The following SAMM50 variants were observed in gnomAD, a reference collection of about 807,000 sequenced individuals.
SAMM50 encodes SAMM50 sorting and assembly machinery component.
SAMM50 carries 47 observed loss-of-function variants against 66.9 expected under a neutral mutation model. The ratio of observed to expected loss-of-function variants is 0.70; its 90% CI spans 0.56 to 0.90. SAMM50 has a LOEUF of 0.90. Among genes scored for constraint, SAMM50 ranks in the 40% least tolerant of loss-of-function variants. The pLI is 0.00. For missense variants in SAMM50, 535 were observed against 595.3 expected (o/e 0.90, Z 1.05); for synonymous variants, 191 against 214.1 (o/e 0.89, Z 0.94).
intron 7 of SAMM50, 106 bp from the exon 8 acceptor site, chr22:43,975,948 AT>A (rs1464669671): frequency 1.7e-6 from 2 of 1,184,716 alleles, no homozygotes; most frequent in South Asian, 3.2e-5. Context: ...ATTAAAAAAA[AT>A]TAGATATTTA....
At chr22:43,988,795 A>C (rs2050307254) in intron 12 of SAMM50, 1 of 223,512 alleles carries the variant, frequency 4.5e-6, no homozygotes, top group Non-Finnish European at 8.7e-6. Flanking sequence ...TTGTGGATAA[A>C]GTTATTGTCA....
chr22:43,959,018 CTTTTTTTT>C (rs11337908), intron 1 of SAMM50, among the ~76,000 whole-genome samples: 4 of 112,660 alleles, frequency 3.6e-5, no homozygotes, highest in African/African-American at 1.0e-4. Flanking sequence ...TTTCAGTTTT[CTTTTTTTT>C]TTTTTTTTTT....
intron 9 of SAMM50, among the ~76,000 whole-genome samples, chr22:43,977,141 AG>A (rs1204189360): frequency 6.6e-6 from 1 of 152,212 alleles, no homozygotes; most frequent in East Asian, 1.9e-4. Context: ...GTCCGAAGGC[AG>A]GGGTCACCCC....
intron 5 of SAMM50, 144 bp from the exon 6 acceptor site, chr22:43,972,727 G>T: frequency 1.3e-6 from 1 of 796,460 alleles, no homozygotes. Context: ...GAATGAAAGT[G>T]ATTACAAATG....
At chr22:43,984,514 T>C (rs1375960512) in intron 12 of SAMM50, among the ~76,000 whole-genome samples, 1 of 151,812 alleles carries the variant, frequency 6.6e-6, no homozygotes, top group Non-Finnish European at 1.5e-5. Context: ...GGTTTTACCA[T>C]GTTGGCCAGG....
At position 43,972,345 on chromosome 22, in the gene SAMM50, A is replaced by G; in HGVS notation, c.429+3A>G. On this transcript the variant is annotated splice_donor_region_variant and intron_variant, in intron 5 of 14. Coordinates refer to ENST00000350028, the MANE Select transcript of SAMM50 (RefSeq NM_015380.5). ...TTGGAAACAATGAAGGCAGTATGGT[A>G]TGCTACAGGCTTTTTACTTTCTTAT... The G allele has an allele frequency of 6.5e-7, 1 of 1,534,800 alleles. No homozygotes were observed. Among genetic ancestry groups the G allele is most frequent in the Non-Finnish European group, 8.9e-7 (1 of 1,128,838 alleles).
chr22:43,959,424 A>G (rs1224491843), intron 1 of SAMM50, among the ~76,000 whole-genome samples: 2 of 152,014 alleles, frequency 1.3e-5, no homozygotes, highest in African/African-American at 2.4e-5. Flanking sequence ...ATGGTGCTCA[A>G]TACACACTTA....
chr22:43,959,305 C>T (rs531162944), intron 1 of SAMM50, among the ~76,000 whole-genome samples: 2 of 151,944 alleles, frequency 1.3e-5, no homozygotes, highest in Non-Finnish European at 1.5e-5. Context: ...AGGTGTGAGC[C>T]ACTGTGCCCA....
At chr22:43,980,322 C>T (rs996266213) in intron 10 of SAMM50, among the ~76,000 whole-genome samples, 16 of 146,294 alleles carry the variant, frequency 1.1e-4, no homozygotes, top group Non-Finnish European at 2.1e-4. Context: ...AAGCTAGTAT[C>T]TTTATATATC....
At chr22:43,963,686 A>G (rs1037973340) in intron 2 of SAMM50, among the ~76,000 whole-genome samples, 11 of 152,236 alleles carry the variant, frequency 7.2e-5, no homozygotes, top group Admixed American at 7.2e-4. Context: ...ACTTAAATTT[A>G]TATTTCCATT....
intron 9 of SAMM50, 93 bp from the exon 10 acceptor site, chr22:43,977,779 C>T (rs13053883): frequency 0.047 from 40,362 of 850,556 alleles, 1,209 homozygotes; most frequent in Non-Finnish European, 0.062. Context: ...AAATACAAAA[C>T]GGCAAAATTA....
chr22:43,972,137 A>G, intron 4 of SAMM50, 99 bp from the exon 5 acceptor site: 1 of 625,270 alleles, frequency 1.6e-6, no homozygotes, highest in Non-Finnish European at 2.7e-6. Flanking sequence ...ATTGTAAAAT[A>G]GAATGAACCT....
Position 43,976,349 on chromosome 22 carries a change from C to T in SAMM50, c.777+166C>T, listed in dbSNP as rs540922865. ...CGAGGGCTTGTGGTGTCCTGCCTCG[C>T]GTGGTCCTTTCCGAATAATGTCAGT... is the stretch of plus-strand genomic sequence containing the variant. On this transcript the variant is annotated intron_variant, in intron 8 of 14. Transcript: ENST00000350028. Among the ~76,000 whole-genome samples, 16 of 152,310 alleles carry T rather than the reference C, an allele frequency of 1.1e-4. No individual in the cohort carries two copies. The South Asian group carries it at 2.3e-3, about 22-fold the overall frequency.
chr22:43,984,140 C>A, intron 12 of SAMM50, 140 bp downstream of exon 12: 1 of 644,588 alleles, frequency 1.6e-6, no homozygotes, highest in African/African-American at 1.9e-5. Flanking sequence ...CAGAACTTAC[C>A]ATGTAGCAGG....
intron 1 of SAMM50, among the ~76,000 whole-genome samples, chr22:43,960,157 A>G (rs1399130770): frequency 6.6e-6 from 1 of 152,238 alleles, no homozygotes; most frequent in Non-Finnish European, 1.5e-5. Context: ...GTATGTGCAC[A>G]TAATCTTACT....
At chr22:43,955,750 T>C (rs1206624787) in intron 1 of SAMM50, 152 bp downstream of exon 1, 5 of 789,278 alleles carry the variant, frequency 6.3e-6, no homozygotes, top group African/African-American at 1.8e-5. Context: ...CGAAAAGAGG[T>C]CGCCTCGGGC....
chr22:43,977,466 C>G (rs570706757), intron 9 of SAMM50, among the ~76,000 whole-genome samples: 49 of 152,260 alleles, frequency 3.2e-4, no homozygotes, highest in Non-Finnish European at 4.4e-4. Flanking sequence ...GGCAAAAGCC[C>G]GGGGGTGCCT....
intron 12 of SAMM50, 91 bp downstream of exon 12, chr22:43,984,091 G>GC: frequency 9.1e-7 from 1 of 1,094,920 alleles, no homozygotes; most frequent in Non-Finnish European, 1.3e-6. Context: ...AGCGATAATA[G>GC]ACATTCCTCT....
chr22:43,965,681 C>T (rs1053856024), intron 3 of SAMM50, among the ~76,000 whole-genome samples: 60 of 152,096 alleles, frequency 3.9e-4, no homozygotes, highest in African/African-American at 1.4e-3. Context: ...ATATGTTGTA[C>T]GAGTGTATAA....
Sources: gnomAD v4.1 joint callset for allele counts (sites outside exome capture counted in the v4.1 genomes callset) on GRCh38, gnomAD v4.1.1 for gene constraint, MANE v1.5 for transcripts, NCBI Gene and HGNC (gene_info 2026-07-23, HGNC 2026-07-21) for gene names.